The following RBM4 variants were observed in gnomAD, a reference collection of about 807,000 sequenced individuals.
The protein encoded by RBM4 is RNA binding motif protein 4, also known as RNA-binding protein 4.
Under a neutral mutation model 29.5 loss-of-function variants are expected in RBM4, and 7 were observed. The observed-to-expected ratio is 0.24, with a 90% CI of 0.14 to 0.45. RBM4 has a LOEUF of 0.45. Among genes scored for constraint, RBM4 ranks in the 20% least tolerant of loss-of-function variants. RBM4 has a pLI of 1.00. For missense variants in RBM4, 387 were observed against 502.3 expected (o/e 0.77, Z 2.19); for synonymous variants, 220 against 205.4 (o/e 1.07, Z -0.61).
chr11:66,640,149 G>T (rs757931880), intron 2 of RBM4, 26 bp downstream of exon 2: 1 of 1,613,894 alleles, frequency 6.2e-7, no homozygotes, highest in Non-Finnish European at 8.5e-7. Flanking sequence ...TGGGTAGAGG[G>T]CTGAACACAA....
At chr11:66,665,590 C>T in intron 2 of RBM4, 1 of 1,535,960 alleles carries the variant, frequency 6.5e-7, no homozygotes, top group African/African-American at 1.4e-5. Flanking sequence ...TGAAAGAGAG[C>T]ACAACACAAG....
chr11:66,643,615 A>G lies in RBM4; in HGVS notation c.578A>G (p.Gln193Arg). 2 of 1,614,194 alleles carry G rather than the reference A, an allele frequency of 1.2e-6. No homozygotes were observed. The highest frequency in any genetic ancestry group is 8.5e-7 in the Non-Finnish European group (1 of 1,180,032). Residue 193 changes from glutamine (Q) to arginine (R), a missense_variant, in exon 3 of 4, where the codon CAA (glutamine) becomes CGA (arginine). Around this residue, in one of 2 missense-constraint regions of RBM4, gnomAD observed 281 missense variants for 288.7 expected, o/e 0.97. Transcript: ENST00000310092. The surrounding 1 kb of genome is among the most constrained non-coding windows in gnomAD (Gnocchi z 6.1). ...GACTTGACCGAGCAATATAATGAGC[A>G]ATACGGAGCAGTGCGTACGCCTTAC... ...VADLTEQYNE[Q>R]YGAVRTPYTM...
At chr11:66,662,673 G>C (rs930616623) in intron 2 of RBM4, among the ~76,000 whole-genome samples, 1 of 152,190 alleles carries the variant, frequency 6.6e-6, no homozygotes, top group African/African-American at 2.4e-5. Flanking sequence ...AAAATGCTAG[G>C]ATTACAGGCG....
intron 2 of RBM4, among the ~76,000 whole-genome samples, chr11:66,656,281 C>T (rs1040396046): frequency 1.6e-4 from 25 of 152,248 alleles, no homozygotes; most frequent in African/African-American, 5.8e-4. Context: ...GGACTACAGG[C>T]ACCTGCCACC....
intron 3 of RBM4, among the ~76,000 whole-genome samples, chr11:66,645,652 T>TA (rs398016474): frequency 7.5e-4 from 114 of 152,236 alleles, no homozygotes; most frequent in African/African-American, 2.6e-3. Context: ...TTTTTTTTTT[T>TA]AAACCTCAGG....
At chr11:66,652,849 A>G (rs1267925948) in intron 2 of RBM4, among the ~76,000 whole-genome samples, 2 of 151,990 alleles carry the variant, frequency 1.3e-5, no homozygotes, top group African/African-American at 2.4e-5. Context: ...GAAACATACA[A>G]CCCCACCCGC....
At chr11:66,649,323 AG>A (rs370677167), downstream of RBM4, among the ~76,000 whole-genome samples, 39 of 152,318 alleles carry the variant, frequency 2.6e-4, no homozygotes, top group East Asian at 5.2e-3. Flanking sequence ...ACTTGTTGAG[AG>A]GAAAAACTCT....
At chr11:66,666,150 CCCT>C in exon 3 of RBM4, 6 of 735,892 alleles carry the variant, frequency 8.2e-6, no homozygotes, top group Non-Finnish European at 1.2e-5. Context: ...CCAGTAGTTC[CCCT>C]AATTGACCAA....
intron 2 of RBM4, among the ~76,000 whole-genome samples, chr11:66,642,571 T>C (rs942676441): frequency 3.3e-5 from 5 of 152,232 alleles, no homozygotes; most frequent in African/African-American, 7.2e-5. Context: ...CTCTCAGATA[T>C]GTAGTTGCAG....
Position 66,644,214 on chromosome 11 carries a change from C to T in RBM4, c.*8+74C>T, listed in dbSNP as rs1938590854. 6 of 1,523,300 alleles carry T rather than the reference C, an allele frequency of 3.9e-6. No individual in the cohort carries two copies. The East Asian group carries it at 1.4e-4, about 35-fold the overall frequency. The allele number at this position is 1,523,300 out of a possible 1,614,324, so 94.4% of individuals were successfully genotyped here. ...AGCCTAAAGGGCTCCAATTAGGCTG[C>T]CCTGCTTGCTTGCTTGCTTTTGCAG... is the stretch of plus-strand genomic sequence containing the variant. On this transcript the variant is annotated intron_variant, in intron 3 of 3. Transcript: ENST00000310092.
In RBM4 at chr11:66,643,327, C is replaced by G; in HGVS notation, c.413-123C>G. 1 of 1,154,262 alleles carries G rather than the reference C, an allele frequency of 8.7e-7. No individual in the cohort carries two copies. Among genetic ancestry groups the G allele is most frequent in the African/African-American group, 1.6e-5 (1 of 62,620 alleles). 71.5% of individuals were successfully genotyped at this position (1,154,262 alleles called of 1,614,324 possible). On this transcript the variant is annotated intron_variant, in intron 2 of 3. Coordinates refer to ENST00000310092, the MANE Select transcript of RBM4 (RefSeq NM_002896.4). The surrounding 1 kb of genome is among the most constrained non-coding windows in gnomAD (Gnocchi z 6.1). The stretch of plus-strand genomic sequence containing the variant: ...TTTTTTTTTTTCCTTTTTATCTTTT[C>G]CTAAAGATGAGTCCTGCATTAGAAT...
chr11:66,639,673 G>C (rs1228469118), intron 1 of RBM4, 27 bp from the exon 2 acceptor site: 3 of 1,603,932 alleles, frequency 1.9e-6, no homozygotes, highest in Non-Finnish European at 2.6e-6. Flanking sequence ...GAGGTCTTTT[G>C]TCAGATGTCT....
At chr11:66,660,355 T>C (rs904672280) in intron 2 of RBM4, among the ~76,000 whole-genome samples, 3 of 147,998 alleles carry the variant, frequency 2.0e-5, no homozygotes, top group Non-Finnish European at 4.5e-5. Context: ...GTCTCTCTTT[T>C]TTTTTTTTTT....
intron 2 of RBM4, chr11:66,665,769 C>G: frequency 3.1e-6 from 4 of 1,307,108 alleles, no homozygotes; most frequent in Non-Finnish European, 4.2e-6. Flanking sequence ...ATATAGGAAT[C>G]CACTTATGGC....
In RBM4 at chr11:66,643,219, T is replaced by A. The variant is rs967325874; in HGVS notation, c.413-231T>A. 1.2e-4 allele frequency among the ~76,000 whole-genome samples: 19 copies of A among 152,326 alleles called. No individual in the cohort carries two copies. Among genetic ancestry groups the A allele is most frequent in the Non-Finnish European group, 2.5e-4 (17 of 68,038 alleles). ...TAGTTTATTTCTTAAGCATTTAAACTGTTGTTATAGCTGAAATATTTCTTC... is the reference window on the plus strand; with the variant it reads ...TAGTTTATTTCTTAAGCATTTAAACAGTTGTTATAGCTGAAATATTTCTTC... On this transcript the variant is annotated intron_variant, in intron 2 of 3. Transcript: ENST00000310092. This position sits in a 1 kb window ranked among gnomAD's most constrained non-coding sequence, Gnocchi z 6.1.
downstream of RBM4, chr11:66,649,922 T>A: frequency 1.8e-6 from 1 of 559,118 alleles, no homozygotes. Context: ...AACTGATTTT[T>A]TTCCCCCATA....
At chr11:66,665,706 A>T (rs1939203044) in intron 2 of RBM4, 1 of 1,446,864 alleles carries the variant, frequency 6.9e-7, no homozygotes, top group Non-Finnish European at 9.3e-7. Flanking sequence ...ACCAAGTCAG[A>T]CTGGATCTAA....
At chr11:66,665,624 C>A in intron 2 of RBM4, 1 of 1,535,552 alleles carries the variant, frequency 6.5e-7, no homozygotes, top group Non-Finnish European at 8.7e-7. Context: ...GCCTGGAGAG[C>A]AGCCTGGCTC....
intron 2 of RBM4, chr11:66,665,109 T>A (rs750587634): frequency 6.4e-5 from 10 of 156,088 alleles, no homozygotes; most frequent in Non-Finnish European, 1.3e-4. Flanking sequence ...AGGTCGGACA[T>A]AAAAAACAAA....
Sources: allele counts gnomAD v4.1 joint callset (sites outside exome capture counted in the v4.1 genomes callset), GRCh38; gene constraint gnomAD v4.1.1; regional missense constraint gnomAD v4.1.1; non-coding constraint Gnocchi (gnomAD v3.1); transcripts MANE v1.5; gene names NCBI Gene and HGNC (gene_info 2026-07-23, HGNC 2026-07-21).